The following SLCO1B3 variants were observed in gnomAD, a reference collection of about 807,000 sequenced individuals.
SLCO1B3 encodes the protein solute carrier organic anion transporter family member 1B3, also known as liver-specific organic anion transporter 2.
In SLCO1B3, 72 loss-of-function variants were observed where a neutral mutation model predicts 71.8. The ratio of observed to expected loss-of-function variants is 1.00; its 90% CI spans 0.83 to 1.22. The LOEUF (loss-of-function observed/expected upper bound fraction) is 1.22. Among genes scored for constraint, SLCO1B3 ranks in the 50% most tolerant of loss-of-function variants. SLCO1B3 has a pLI of 0.00. For missense variants in SLCO1B3, 911 were observed against 819.7 expected, an observed-to-expected ratio of 1.11 and a Z score of -1.36; for synonymous variants, 298 against 278.4, an observed-to-expected ratio of 1.07 and a Z score of -0.70.
chr12:20,824,421 T>A (rs1864380871), intron 3 of SLCO1B3, among the ~76,000 whole-genome samples: 1 of 152,172 alleles, frequency 6.6e-6, no homozygotes, highest in Non-Finnish European at 1.5e-5. Flanking sequence ...AAAAACTTAT[T>A]TTTTAGGAGT....
chr12:20,817,666 C>A (rs1591739729), intron 3 of SLCO1B3, among the ~76,000 whole-genome samples: 1 of 152,104 alleles, frequency 6.6e-6, no homozygotes, highest in Non-Finnish European at 1.5e-5. Context: ...CGGCTCACTG[C>A]AAGCTCCACC....
At chr12:20,822,401 G>C (rs375753706) in intron 3 of SLCO1B3, among the ~76,000 whole-genome samples, 1 of 152,118 alleles carries the variant, frequency 6.6e-6, no homozygotes, top group Non-Finnish European at 1.5e-5. Flanking sequence ...CAAGGTGCTC[G>C]GTGGGGGAGC....
chr12:20,853,867 G>A (rs946463898), intron 3 of SLCO1B3, among the ~76,000 whole-genome samples: 5 of 147,240 alleles, frequency 3.4e-5, no homozygotes, highest in Admixed American at 2.1e-4. Flanking sequence ...TTTCCCTTTA[G>A]TGCTGCTTCC....
chr12:20,826,779 G>T (rs1443402657), intron 3 of SLCO1B3, among the ~76,000 whole-genome samples: 9 of 151,232 alleles, frequency 6.0e-5, no homozygotes, highest in Admixed American at 5.9e-4. Flanking sequence ...ACAACTTTCT[G>T]TGTATCTCTC....
chr12:20,883,626 TG>T (rs1865738578), intron 13 of SLCO1B3, 24 bp downstream of exon 13: 1 of 1,502,884 alleles, frequency 6.7e-7, no homozygotes, highest in Admixed American at 2.1e-5. Flanking sequence ...TGTAAAACAT[TG>T]TCATGTATAT....
chr12:20,876,396 C>A (rs541218746), intron 9 of SLCO1B3, among the ~76,000 whole-genome samples: 4 of 152,286 alleles, frequency 2.6e-5, no homozygotes, highest in African/African-American at 9.6e-5. Flanking sequence ...AACACTTAAA[C>A]CCTTGGCACT....
chr12:20,868,619 T>G (rs1398965557), intron 8 of SLCO1B3, among the ~76,000 whole-genome samples: 2 of 151,568 alleles, frequency 1.3e-5, no homozygotes, highest in Non-Finnish European at 2.9e-5. Context: ...GGTCTCTTAC[T>G]GTGTGCGGAG....
At chr12:20,817,490 T>G (rs1267884860) in intron 3 of SLCO1B3, among the ~76,000 whole-genome samples, 3 of 152,200 alleles carry the variant, frequency 2.0e-5, no homozygotes, top group Non-Finnish European at 4.4e-5. Context: ...AAGCTCACTG[T>G]AGGTGTGTGG....
chr12:20,824,582 T>C (rs1404684767), intron 3 of SLCO1B3, among the ~76,000 whole-genome samples: 2 of 152,150 alleles, frequency 1.3e-5, no homozygotes, highest in Non-Finnish European at 2.9e-5. Context: ...ACAGCAATTT[T>C]CCATAATAAT....
Position 20,812,883 on chromosome 12 carries a change from A to G in SLCO1B3, c.-180-641A>G, listed in dbSNP as rs117507938. On this transcript the variant is annotated intron_variant, in intron 1 of 15. Coordinates refer to ENST00000381545, the MANE Select transcript of SLCO1B3 (RefSeq NM_019844.4). ...TTGCAAGTCGTTCAAAAAGATTTGCAATTATAGAATTAATTGGTAAAAAAT... is the reference window on the plus strand; with the variant it reads ...TTGCAAGTCGTTCAAAAAGATTTGCGATTATAGAATTAATTGGTAAAAAAT... 6.9e-3 allele frequency among the ~76,000 whole-genome samples: 1,049 copies of G among 152,364 alleles called. 7 individuals carry two copies. The highest frequency in any genetic ancestry group is 0.01 in the Non-Finnish European group (714 of 68,040).
chr12:20,832,576 C>T (rs1864567655), intron 3 of SLCO1B3, among the ~76,000 whole-genome samples: 1 of 152,086 alleles, frequency 6.6e-6, no homozygotes, highest in African/African-American at 2.4e-5. Context: ...AATCACTCCA[C>T]ATATGTAACT....
At chr12:20,857,817 G>T (rs1184227581) in intron 4 of SLCO1B3, among the ~76,000 whole-genome samples, 1 of 152,020 alleles carries the variant, frequency 6.6e-6, no homozygotes, top group Non-Finnish European at 1.5e-5. Context: ...AGATAAATCT[G>T]AATTGGTCTA....
At chr12:20,899,054 G>C (rs971227139) in intron 14 of SLCO1B3, among the ~76,000 whole-genome samples, 8 of 152,154 alleles carry the variant, frequency 5.3e-5, no homozygotes, top group African/African-American at 1.9e-4. Flanking sequence ...TAGGCTTGTT[G>C]GATTATGAGG....
chr12:20,841,368 C>T (rs12228760), intron 3 of SLCO1B3, among the ~76,000 whole-genome samples: 4,582 of 152,204 alleles, frequency 0.03, 172 homozygotes, highest in East Asian at 0.097. Context: ...ATTCACTTAT[C>T]TCATGTCTTA....
intron 13 of SLCO1B3, among the ~76,000 whole-genome samples, chr12:20,890,404 T>G (rs926113436): frequency 1.3e-5 from 2 of 152,244 alleles, no homozygotes; most frequent in Non-Finnish European, 2.9e-5. Context: ...AAAAAAATCA[T>G]TGAGTATTGC....
At chr12:20,850,049 T>C (rs1417462261) in intron 3 of SLCO1B3, among the ~76,000 whole-genome samples, 3 of 137,002 alleles carry the variant, frequency 2.2e-5, no homozygotes, top group Admixed American at 7.1e-5. Flanking sequence ...TTTTTTTTTT[T>C]CTTGCAGACA....
chr12:20,815,290 A>G (rs1247686105), intron 2 of SLCO1B3, among the ~76,000 whole-genome samples: 1 of 152,132 alleles, frequency 6.6e-6, no homozygotes, highest in African/African-American at 2.4e-5. Context: ...GCACTTTATA[A>G]ACTTATAAGG....
rs1464263850 is a variant in SLCO1B3, at chr12:20,916,254, A to C, written c.*7A>C. Reference sequence around the variant, plus strand: ...CAATGCTGCTGCCAACTAACATTGCATTGATTCATTAAGATGTTATTTTTG... The same window carrying C: ...CAATGCTGCTGCCAACTAACATTGCCTTGATTCATTAAGATGTTATTTTTG... On this transcript the variant is annotated 3_prime_UTR_variant, in exon 16 of 16. Coordinates refer to ENST00000381545, the MANE Select transcript of SLCO1B3 (RefSeq NM_019844.4). 1 of 1,610,026 alleles carries C rather than the reference A, an allele frequency of 6.2e-7. No homozygotes were observed.
At chr12:20,883,204 T>C (rs973123156) in intron 12 of SLCO1B3, among the ~76,000 whole-genome samples, 18 of 152,184 alleles carry the variant, frequency 1.2e-4, no homozygotes, top group African/African-American at 4.3e-4. Context: ...TGTATATTAA[T>C]GAAAAAATTA....
Sources: allele counts gnomAD v4.1 joint callset (sites outside exome capture counted in the v4.1 genomes callset), GRCh38; gene constraint gnomAD v4.1.1; transcripts MANE v1.5; gene names NCBI Gene and HGNC (gene_info 2026-07-23, HGNC 2026-07-21).